ADAM23: variants seen among roughly 807,000 people sequenced by gnomAD.
ADAM23 encodes ADAM metallopeptidase domain 23.
Under a neutral mutation model 120.1 loss-of-function variants are expected in ADAM23, and 33 were observed. The ratio of observed to expected loss-of-function variants is 0.27; its 90% confidence interval spans 0.21 to 0.37. ADAM23 has a LOEUF of 0.37. ADAM23 is among the 10% of genes least tolerant of loss of function. The pLI is 1.00. For synonymous variants in ADAM23, 367 were observed against 375.2 expected (o/e 0.98, Z 0.25); for missense variants, 862 against 1,058.2 (o/e 0.81, Z 2.57).
At chr2:206,617,498 T>C in intron 25 of ADAM23, 81 bp from the exon 26 acceptor site, 2 of 1,445,806 alleles carry the variant, frequency 1.4e-6, no homozygotes, top group African/African-American at 1.4e-5. Context: ...GTCATTATCA[T>C]CACCATTCTG....
Position 206,560,060 on chromosome 2 carries a change from G to C in ADAM23, c.1111G>C (p.Glu371Gln). ...CACCAACCCTGTGCAGATGCTCCAT[G>C]AGTTCTCAAAATACCGGCAGCGCAT... Reference protein sequence around the residue: ...ITTNPVQMLHEFSKYRQRIKQ... With the variant: ...ITTNPVQMLHQFSKYRQRIKQ... The change falls in exon 11 of 26, where the codon GAG (glutamate) becomes CAG (glutamine). Residue 371 changes from glutamate (E) to glutamine (Q), a missense_variant. By Grantham distance (29) the Glu-to-Gln change is conservative. Coordinates refer to ENST00000264377, the MANE Select transcript of ADAM23 (RefSeq NM_003812.4). 1.9e-6 allele frequency: 3 copies of C among 1,614,182 alleles called. No homozygotes were observed. The highest frequency in any genetic ancestry group is 2.5e-6 in the Non-Finnish European group (3 of 1,180,012).
intron 3 of ADAM23, among the ~76,000 whole-genome samples, chr2:206,521,466 GT>G (rs1376643574): frequency 1.3e-5 from 2 of 151,942 alleles, no homozygotes; most frequent in East Asian, 3.9e-4. Context: ...TTGTATTGTG[GT>G]TTCGTCTTAA....
chr2:206,501,027 T>C (rs751305411), intron 3 of ADAM23, among the ~76,000 whole-genome samples: 3 of 151,762 alleles, frequency 2.0e-5, no homozygotes, highest in African/African-American at 4.8e-5. Flanking sequence ...GTGTGTAGTG[T>C]TTGAATTGCA....
At chr2:206,574,591 A>G (rs1001013604) in intron 18 of ADAM23, among the ~76,000 whole-genome samples, 1 of 152,130 alleles carries the variant, frequency 6.6e-6, no homozygotes, top group African/African-American at 2.4e-5. Context: ...AAGCCACGAA[A>G]CTATTTATTA....
chr2:206,448,566 C>T (rs1160128743), intron 2 of ADAM23, among the ~76,000 whole-genome samples: 1 of 152,076 alleles, frequency 6.6e-6, no homozygotes, highest in Non-Finnish European at 1.5e-5. Flanking sequence ...AGGATGGGAG[C>T]TGGTCACCAG....
intron 3 of ADAM23, among the ~76,000 whole-genome samples, chr2:206,490,967 G>A (rs1696120739): frequency 6.6e-6 from 1 of 152,120 alleles, no homozygotes; most frequent in Non-Finnish European, 1.5e-5. Flanking sequence ...TATTTACTTA[G>A]GGTGTCTATG....
At chr2:206,539,744 AT>A (rs1199210957) in intron 4 of ADAM23, among the ~76,000 whole-genome samples, 1 of 152,088 alleles carries the variant, frequency 6.6e-6, no homozygotes, top group Middle Eastern at 3.2e-3. Context: ...CTCTCTCAGG[AT>A]TTATTTTATA....
At chr2:206,590,883 G>A (rs1698413451) in intron 21 of ADAM23, among the ~76,000 whole-genome samples, 1 of 152,180 alleles carries the variant, frequency 6.6e-6, no homozygotes, top group Non-Finnish European at 1.5e-5. Flanking sequence ...CCATGTCCTA[G>A]AGAATCTGAT....
intron 6 of ADAM23, among the ~76,000 whole-genome samples, chr2:206,546,618 AAT>A (rs1176155623): frequency 1.3e-5 from 2 of 152,128 alleles, no homozygotes; most frequent in African/African-American, 4.8e-5. Flanking sequence ...CATGTTTCAG[AAT>A]ATGTTCTTCC....
In ADAM23 at chr2:206,588,214, C is replaced by T. The variant is rs1187526678; in HGVS notation, c.1852+60C>T. 3.9e-6 allele frequency: 6 copies of T among 1,556,174 alleles called. No homozygotes were observed. In the African/African-American group the frequency reaches 4.1e-5, roughly 11 times the overall value. On this transcript the variant is annotated intron_variant, in intron 20 of 25. Coordinates refer to ENST00000264377, the MANE Select transcript of ADAM23 (RefSeq NM_003812.4). ...ACCATTTTCTCTTAATAGTGTTCTTCTCTGCCAGTCTTGCTGAGAGAGATG... is the reference window on the plus strand; with the variant it reads ...ACCATTTTCTCTTAATAGTGTTCTTTTCTGCCAGTCTTGCTGAGAGAGATG...
At position 206,619,257 on chromosome 2, in the gene ADAM23, C is replaced by G. The variant is rs879661959; in HGVS notation, c.*1630C>G. ...CTACTATATACAAATCCACATTGTTCTTCTCCCTCCAGCCAGATTTGCAGA... is the reference window on the plus strand; with the variant it reads ...CTACTATATACAAATCCACATTGTTGTTCTCCCTCCAGCCAGATTTGCAGA... On this transcript the variant is annotated 3_prime_UTR_variant, in exon 26 of 26. Transcript: ENST00000264377. 8 of 152,210 alleles carry G rather than the reference C, an allele frequency of 5.3e-5. No individual in the cohort carries two copies. Among genetic ancestry groups the G allele is most frequent in the Admixed American group, 2.6e-4 (4 of 15,278 alleles). The allele number at this position is 152,210 out of a possible 1,614,324, so 9.4% of individuals were successfully genotyped here.
At chr2:206,614,070 A>G (rs1202479337) in intron 25 of ADAM23, among the ~76,000 whole-genome samples, 2 of 152,216 alleles carry the variant, frequency 1.3e-5, no homozygotes, top group African/African-American at 2.4e-5. Context: ...CTCTCCCGCT[A>G]CTTGCCCTGT....
chr2:206,578,646 A>G (rs545720645), intron 18 of ADAM23, among the ~76,000 whole-genome samples: 1 of 152,162 alleles, frequency 6.6e-6, no homozygotes, highest in South Asian at 2.1e-4. Flanking sequence ...GGGTTGGTTG[A>G]TGGTCATTTG....
intron 9 of ADAM23, among the ~76,000 whole-genome samples, chr2:206,554,627 C>A (rs1697603860): frequency 6.6e-6 from 1 of 152,068 alleles, no homozygotes; most frequent in Non-Finnish European, 1.5e-5. Context: ...TATATATAAA[C>A]TATTTAATAG....
chr2:206,561,038 T>C (rs1697753742), intron 11 of ADAM23, 90 bp from the exon 12 acceptor site: 10 of 1,034,474 alleles, frequency 9.7e-6, no homozygotes, highest in East Asian at 2.4e-5. Context: ...GGTTTGGGGG[T>C]GTTCCATGTA....
At chr2:206,494,797 C>T (rs1696203900) in intron 3 of ADAM23, among the ~76,000 whole-genome samples, 1 of 152,016 alleles carries the variant, frequency 6.6e-6, no homozygotes, top group African/African-American at 2.4e-5. Flanking sequence ...GATATTTTAG[C>T]TGAGGTTAAA....
At chr2:206,448,583 C>T (rs1351625520) in intron 2 of ADAM23, among the ~76,000 whole-genome samples, 2 of 152,072 alleles carry the variant, frequency 1.3e-5, no homozygotes, top group South Asian at 2.1e-4. Context: ...CCAGAAAGAC[C>T]AGCACATTAT....
intron 24 of ADAM23, among the ~76,000 whole-genome samples, chr2:206,600,815 A>C (rs758443794): frequency 1.3e-5 from 2 of 152,196 alleles, no homozygotes; most frequent in African/African-American, 4.8e-5. Context: ...ATTGAAAGAC[A>C]AGAAATAAGA....
rs186005466 is a variant in ADAM23, at chr2:206,539,293, C to T, written c.574-2759C>T. Among the ~76,000 whole-genome samples the T allele has an allele frequency of 3.3e-3, 502 of 152,160 alleles. 13 individuals carry two copies. The highest frequency in any genetic ancestry group is 0.03 in the Admixed American group (458 of 15,272). Reference sequence around the variant, plus strand: ...TTTAATTAACTGACAGTTTTGGATCCGAAAATGCTGATGTCTGTATGGGTG... The same window carrying T: ...TTTAATTAACTGACAGTTTTGGATCTGAAAATGCTGATGTCTGTATGGGTG... On this transcript the variant is annotated intron_variant, in intron 4 of 25. Coordinates refer to ENST00000264377, the MANE Select transcript of ADAM23 (RefSeq NM_003812.4).
Sources: gnomAD v4.1 joint callset for allele counts (sites outside exome capture counted in the v4.1 genomes callset) on GRCh38, gnomAD v4.1.1 for gene constraint, MANE v1.5 for transcripts, NCBI Gene and HGNC (gene_info 2026-07-23, HGNC 2026-07-21) for gene names.